The following CDK17 variants were observed in gnomAD, a reference collection of about 807,000 sequenced individuals.
CDK17 encodes the protein cyclin dependent kinase 17, also known as cyclin-dependent kinase 17.
In CDK17, 24 loss-of-function variants were observed where a neutral mutation model predicts 77.6. That is an observed-to-expected ratio of 0.31 (90% CI 0.22 to 0.44). CDK17 has a LOEUF of 0.44. Among genes scored for constraint, CDK17 ranks in the 20% least tolerant of loss-of-function variants. The probability of loss-of-function intolerance (pLI) is 1.00; values close to 1 mark genes in which losing one functional copy is unlikely to be tolerated. For missense variants in CDK17, 429 were observed against 622.5 expected, an observed-to-expected ratio of 0.69 and a Z score of 3.31; for synonymous variants, 203 against 210.4, an observed-to-expected ratio of 0.96 and a Z score of 0.30.
At chr12:96,380,225 G>C (rs1953857202) in intron 1 of CDK17, among the ~76,000 whole-genome samples, 1 of 148,802 alleles carries the variant, frequency 6.7e-6, no homozygotes, top group South Asian at 2.1e-4. Context: ...TAATTCTCAT[G>C]TCTCTGAGGT....
intron 1 of CDK17, among the ~76,000 whole-genome samples, chr12:96,376,060 C>T (rs534442104): frequency 6.6e-6 from 1 of 152,148 alleles, no homozygotes; most frequent in East Asian, 1.9e-4. Flanking sequence ...ACTGTCTACA[C>T]CAAGTTTACA....
chr12:96,333,816 G>C (rs769924748), intron 2 of CDK17, among the ~76,000 whole-genome samples: 3 of 152,180 alleles, frequency 2.0e-5, no homozygotes, highest in Non-Finnish European at 1.5e-5. Flanking sequence ...GGGTAACCTT[G>C]AGCAAATAAT....
At chr12:96,369,372 AC>A (rs1417562462) in intron 1 of CDK17, among the ~76,000 whole-genome samples, 1 of 152,214 alleles carries the variant, frequency 6.6e-6, no homozygotes, top group Non-Finnish European at 1.5e-5. Context: ...AAGGAAAAAA[AC>A]AAATTAAGTA....
intron 5 of CDK17, among the ~76,000 whole-genome samples, chr12:96,302,890 T>TGCAGGCAG (rs1398820469): frequency 5.3e-5 from 8 of 152,070 alleles, no homozygotes; most frequent in Non-Finnish European, 8.8e-5. Flanking sequence ...ATTCCACCCA[T>TGCAGGCAG]GCAGGCAGGC....
chr12:96,328,270 G>A (rs973569586), intron 2 of CDK17, among the ~76,000 whole-genome samples: 3 of 151,806 alleles, frequency 2.0e-5, no homozygotes, highest in African/African-American at 2.4e-5. Flanking sequence ...ACAAGGGCAG[G>A]GCTCTTACTG....
chr12:96,392,373 CG>C (rs1264310998), intron 1 of CDK17, among the ~76,000 whole-genome samples: 1 of 151,066 alleles, frequency 6.6e-6, no homozygotes, highest in Non-Finnish European at 1.5e-5. Flanking sequence ...GACGGCAGTA[CG>C]GAAAAAAGGA....
At position 96,349,640 on chromosome 12, in the gene CDK17, T is replaced by C. The variant is rs1053675296; in HGVS notation, c.-29-14775A>G. On this transcript the variant is annotated intron_variant, in intron 1 of 16. Transcript: ENST00000261211. Reference sequence around the variant, plus strand: ...ATTTCCTCAACATGAAAAGGCCATATATAAAAACTCACAGCTAATATCGTA... The same window carrying C: ...ATTTCCTCAACATGAAAAGGCCATACATAAAAACTCACAGCTAATATCGTA... 1.4e-4 allele frequency among the ~76,000 whole-genome samples: 21 copies of C among 150,670 alleles called. 1 individual carries two copies. Among genetic ancestry groups the C allele is most frequent in the Admixed American group, 1.4e-3 (21 of 15,158 alleles).
At chr12:96,317,938 A>C (rs1479956836) in intron 3 of CDK17, among the ~76,000 whole-genome samples, 2 of 150,938 alleles carry the variant, frequency 1.3e-5, no homozygotes, top group Non-Finnish European at 3.0e-5. Flanking sequence ...GATCAAATTC[A>C]CACATAACAA....
chr12:96,339,786 C>T (rs181761682), intron 1 of CDK17, among the ~76,000 whole-genome samples: 2 of 151,650 alleles, frequency 1.3e-5, no homozygotes, highest in East Asian at 3.9e-4. Context: ...AAAAATTAGC[C>T]AGGCATGGTG....
chr12:96,280,494 G>A (rs1298055924), intron 16 of CDK17: 2 of 1,410,826 alleles, frequency 1.4e-6, no homozygotes, highest in East Asian at 5.1e-5. Context: ...GGAAGCACAA[G>A]ATGTGTCTTC....
intron 5 of CDK17, among the ~76,000 whole-genome samples, chr12:96,306,849 G>T (rs1318360039): frequency 6.6e-6 from 1 of 152,098 alleles, no homozygotes; most frequent in Non-Finnish European, 1.5e-5. Flanking sequence ...CTAGGGTAGA[G>T]ATTTTCATTT....
At chr12:96,280,704 T>C (rs1393706412) in intron 16 of CDK17, 104 bp downstream of exon 16, 3 of 1,530,110 alleles carry the variant, frequency 2.0e-6, no homozygotes, top group South Asian at 1.3e-5. Context: ...GCACTGTACA[T>C]TGGTTTTTAC....
chr12:96,296,484 A>G (rs1348187166), intron 9 of CDK17, among the ~76,000 whole-genome samples: 1 of 152,220 alleles, frequency 6.6e-6, no homozygotes, highest in Non-Finnish European at 1.5e-5. Context: ...ACCAAACTTA[A>G]TATTTTTTTA....
intron 3 of CDK17, among the ~76,000 whole-genome samples, chr12:96,317,190 T>G (rs1266938445): frequency 6.7e-6 from 1 of 149,630 alleles, no homozygotes; most frequent in African/African-American, 2.5e-5. Context: ...TGCGATCAAC[T>G]GGAAGAAAGG....
intron 2 of CDK17, among the ~76,000 whole-genome samples, chr12:96,332,297 A>G (rs1413574603): frequency 1.3e-5 from 2 of 152,204 alleles, no homozygotes; most frequent in Non-Finnish European, 2.9e-5. Context: ...CCCCACTGTT[A>G]AGCAATGCAT....
intron 1 of CDK17, among the ~76,000 whole-genome samples, chr12:96,336,863 G>A (rs531479380): frequency 6.6e-5 from 10 of 152,100 alleles, no homozygotes; most frequent in Admixed American, 3.3e-4. Context: ...TTCATGAACC[G>A]AATACAGTAT....
intron 1 of CDK17, among the ~76,000 whole-genome samples, chr12:96,381,156 T>C (rs1953872277): frequency 6.6e-6 from 1 of 152,200 alleles, no homozygotes; most frequent in South Asian, 2.1e-4. Flanking sequence ...CAAGATGCTC[T>C]CTAAGCCTTC....
intron 1 of CDK17, among the ~76,000 whole-genome samples, chr12:96,347,625 A>AGGGAG (rs1392418893): frequency 4.4e-3 from 35 of 7,936 alleles, no homozygotes; most frequent in Middle Eastern, 0.12. Flanking sequence ...AGGGAGGGGA[A>AGGGAG]GGGAGGGGAG....
intron 6 of CDK17, among the ~76,000 whole-genome samples, chr12:96,300,101 C>G (rs1952475230): frequency 6.6e-6 from 1 of 152,252 alleles, no homozygotes; most frequent in African/African-American, 2.4e-5. Context: ...AAAAAAAATT[C>G]ATTTCCTCTC....
Sources: gnomAD v4.1 joint callset for allele counts (sites outside exome capture counted in the v4.1 genomes callset) on GRCh38, gnomAD v4.1.1 for gene constraint, MANE v1.5 for transcripts, NCBI Gene and HGNC (gene_info 2026-07-23, HGNC 2026-07-21) for gene names.